Variants in DOK6 observed in about 807,000 individuals in gnomAD.
The protein encoded by DOK6 is downstream of tyrosine kinase 6.
DOK6 carries 22 observed loss-of-function variants against 44.0 expected under a neutral mutation model. The ratio of observed to expected loss-of-function variants is 0.50; its 90% CI spans 0.36 to 0.71. DOK6 has a LOEUF of 0.71. DOK6 is among the 30% of genes least tolerant of loss of function. The pLI, the probability that DOK6 is intolerant of heterozygous loss-of-function variation, is 0.00. For synonymous variants in DOK6, 166 were observed against 145.5 expected, an observed-to-expected ratio of 1.14 and a Z score of -1.01; for missense variants, 340 against 416.4, an observed-to-expected ratio of 0.82 and a Z score of 1.60.
intron 5 of DOK6, among the ~76,000 whole-genome samples, chr18:69,709,554 A>T (rs945426140): frequency 6.6e-6 from 1 of 152,100 alleles, no homozygotes; most frequent in African/African-American, 2.4e-5. Context: ...TCTTGGTGTT[A>T]AATAAATTCT....
intron 6 of DOK6, among the ~76,000 whole-genome samples, chr18:69,755,158 G>A (rs1979314042): frequency 6.6e-6 from 1 of 152,176 alleles, no homozygotes; most frequent in Admixed American, 6.6e-5. Context: ...GAAGAGTAGA[G>A]AAACATGAGG....
chr18:69,494,188 T>C (rs765633863), intron 1 of DOK6, among the ~76,000 whole-genome samples: 1 of 152,192 alleles, frequency 6.6e-6, no homozygotes, highest in Non-Finnish European at 1.5e-5. Flanking sequence ...TAAAGAAGAT[T>C]TGGTAGGCCA....
At chr18:69,550,220 T>TCCC (rs879660837) in intron 1 of DOK6, among the ~76,000 whole-genome samples, 3,075 of 149,536 alleles carry the variant, frequency 0.021, 70 homozygotes, top group Middle Eastern at 0.035. Flanking sequence ...AGCCATCATT[T>TCCC]TTAGGTATAT....
intron 1 of DOK6, among the ~76,000 whole-genome samples, chr18:69,465,108 T>C (rs918728161): frequency 3.3e-5 from 5 of 152,326 alleles, no homozygotes; most frequent in Admixed American, 6.5e-5. Flanking sequence ...ATATTGTACA[T>C]ACATACACAA....
At chr18:69,811,566 ATATATATATATC>A (rs1430219200) in intron 7 of DOK6, among the ~76,000 whole-genome samples, 35 of 17,450 alleles carry the variant, frequency 2.0e-3, no homozygotes, top group African/African-American at 3.0e-3. Flanking sequence ...ATATATATAT[ATATATATATATC>A]AAAACACTAC....
intron 1 of DOK6, among the ~76,000 whole-genome samples, chr18:69,547,570 A>G (rs769690441): frequency 8.6e-5 from 13 of 151,508 alleles, no homozygotes; most frequent in Non-Finnish European, 1.5e-5. Context: ...TGAGATTTGG[A>G]GTGGACAGTT....
intron 1 of DOK6, among the ~76,000 whole-genome samples, chr18:69,503,252 T>C (rs1234666381): frequency 6.6e-6 from 1 of 152,112 alleles, no homozygotes; most frequent in Non-Finnish European, 1.5e-5. Context: ...GAGATAATTA[T>C]CTTCTAAACA....
chr18:69,776,615 A>G (rs140324165), intron 7 of DOK6, among the ~76,000 whole-genome samples: 3 of 152,218 alleles, frequency 2.0e-5, no homozygotes, highest in East Asian at 3.9e-4. Context: ...ATACAAAAAT[A>G]GGATAAAATC....
chr18:69,684,647 T>G (rs1182259398), intron 4 of DOK6, among the ~76,000 whole-genome samples: 1 of 152,166 alleles, frequency 6.6e-6, no homozygotes, highest in African/African-American at 2.4e-5. Flanking sequence ...CCTCTTTTCA[T>G]GGGAGGTCAA....
intron 6 of DOK6, among the ~76,000 whole-genome samples, chr18:69,745,399 C>T: frequency 6.6e-6 from 1 of 152,178 alleles, no homozygotes; most frequent in East Asian, 1.9e-4. Flanking sequence ...AACATACAGA[C>T]ATTATGACAA....
intron 1 of DOK6, among the ~76,000 whole-genome samples, chr18:69,484,389 A>G (rs1189042171): frequency 1.3e-5 from 2 of 152,148 alleles, no homozygotes; most frequent in African/African-American, 4.8e-5. Flanking sequence ...GCTGATGGGA[A>G]CAAAGCCTAA....
At chr18:69,785,107 T>C (rs1980391633) in intron 7 of DOK6, among the ~76,000 whole-genome samples, 1 of 152,216 alleles carries the variant, frequency 6.6e-6, no homozygotes, top group Admixed American at 6.5e-5. Context: ...ATAGGACACA[T>C]AATTCAGCAA....
chr18:69,402,643 A>T (rs534735691), intron 1 of DOK6, among the ~76,000 whole-genome samples: 2 of 152,154 alleles, frequency 1.3e-5, no homozygotes, highest in Non-Finnish European at 2.9e-5. Flanking sequence ...CAAGGACAAC[A>T]GGGGCCCATT....
intron 7 of DOK6, among the ~76,000 whole-genome samples, chr18:69,800,449 A>G (rs2145105478): frequency 6.6e-6 from 1 of 152,308 alleles, no homozygotes; most frequent in South Asian, 2.1e-4. Context: ...TGCTATTATT[A>G]AACATGATTC....
intron 3 of DOK6, among the ~76,000 whole-genome samples, chr18:69,607,255 T>C (rs17081295): frequency 0.027 from 4,170 of 152,310 alleles, 106 homozygotes; most frequent in East Asian, 0.14. Context: ...ATCTACTTTG[T>C]TGCCTTTGAA....
At chr18:69,429,466 A>G (rs1412253989) in intron 1 of DOK6, among the ~76,000 whole-genome samples, 1 of 151,664 alleles carries the variant, frequency 6.6e-6, no homozygotes, top group Non-Finnish European at 1.5e-5. Flanking sequence ...TATCAAAAAT[A>G]TATTGGAAAT....
At chr18:69,424,537 G>A (rs1439225592) in intron 1 of DOK6, among the ~76,000 whole-genome samples, 1 of 152,052 alleles carries the variant, frequency 6.6e-6, no homozygotes, top group Non-Finnish European at 1.5e-5. Context: ...GTTGTCTTAT[G>A]TTATAGCTTG....
intron 1 of DOK6, among the ~76,000 whole-genome samples, chr18:69,440,753 AACACACACACAC>A (rs55904998): frequency 2.7e-5 from 4 of 149,926 alleles, no homozygotes; most frequent in Admixed American, 6.7e-5. Flanking sequence ...TACACACACA[AACACACACACAC>A]ACACACACAC....
chr18:69,763,833 C>T (rs911071153), intron 7 of DOK6, among the ~76,000 whole-genome samples: 5 of 152,274 alleles, frequency 3.3e-5, no homozygotes, highest in South Asian at 2.1e-4. Flanking sequence ...AAGCCATTGA[C>T]GGTACCAGGT....
Sources: gnomAD v4.1 joint callset for allele counts (sites outside exome capture counted in the v4.1 genomes callset) on GRCh38, gnomAD v4.1.1 for gene constraint, MANE v1.5 for transcripts, NCBI Gene and HGNC (gene_info 2026-07-23, HGNC 2026-07-21) for gene names.